RGS22: variants seen among roughly 807,000 people sequenced by gnomAD.
The protein encoded by RGS22 is regulator of G protein signaling 22, also known as regulator of G-protein signaling 22.
A neutral mutation model predicts 172.9 loss-of-function variants in RGS22; 148 were observed. The ratio of observed to expected loss-of-function variants is 0.86; its 90% CI spans 0.75 to 0.98. The LOEUF is 0.98. Among genes scored for constraint, RGS22 ranks in the 50% least tolerant of loss-of-function variants. RGS22 has a pLI of 0.00. For synonymous variants in RGS22, 458 were observed against 480.2 expected (o/e 0.95, Z 0.60); for missense variants, 1,347 against 1,440.8 (o/e 0.93, Z 1.05).
chr8:99,971,248 T>C (rs1016706811), intron 23 of RGS22, among the ~76,000 whole-genome samples: 1 of 152,172 alleles, frequency 6.6e-6, no homozygotes, highest in African/African-American at 2.4e-5. Context: ...GGTCAATTTA[T>C]GAAAAACCCA....
At chr8:100,076,759 G>A (rs982454828) in intron 4 of RGS22, among the ~76,000 whole-genome samples, 5 of 152,162 alleles carry the variant, frequency 3.3e-5, no homozygotes, top group South Asian at 4.1e-4. Flanking sequence ...TTGGGAGGCC[G>A]AGGCAGGCGG....
intron 10 of RGS22, among the ~76,000 whole-genome samples, chr8:100,051,840 T>TATATTTATATATTTATATATAA (rs1821556320): frequency 1.7e-5 from 1 of 57,442 alleles, no homozygotes; most frequent in Non-Finnish European, 2.7e-5. Context: ...TAAATGTTTA[T>TATATTTATATATTTATATATAA]ATATTTATAT....
intron 2 of RGS22, among the ~76,000 whole-genome samples, chr8:100,097,797 G>A (rs1035490833): frequency 5.3e-5 from 8 of 152,130 alleles, no homozygotes; most frequent in African/African-American, 1.4e-4. Flanking sequence ...TCCATCATAT[G>A]CCAAACCTCA....
At chr8:99,964,313 G>C (rs200724926) in intron 24 of RGS22, among the ~76,000 whole-genome samples, 2 of 152,070 alleles carry the variant, frequency 1.3e-5, no homozygotes, top group East Asian at 3.9e-4. Context: ...AATTAGCCAG[G>C]CATGGTGGTG....
Position 99,981,851 on chromosome 8 carries a change from C to T in RGS22, c.3360+86G>A, listed in dbSNP as rs2131207709. 3.1e-6 allele frequency: 4 copies of T among 1,286,576 alleles called. No individual in the cohort carries two copies. The Admixed American group carries it at 7.4e-5, about 24-fold the overall frequency. 79.7% of individuals were successfully genotyped at this position (1,286,576 alleles called of 1,614,324 possible). Reference sequence around the variant, plus strand: ...TGCTGGGATTACAGGCGTGAGCCACCACGCCTGGCCCAAAAGGATATCTAT... The same window carrying T: ...TGCTGGGATTACAGGCGTGAGCCACTACGCCTGGCCCAAAAGGATATCTAT... On this transcript the variant is annotated intron_variant, in intron 22 of 27. Coordinates refer to ENST00000360863, the MANE Select transcript of RGS22 (RefSeq NM_015668.5).
intron 15 of RGS22, 87 bp from the exon 16 acceptor site, chr8:100,006,196 T>C (rs1815691584): frequency 2.0e-6 from 2 of 1,003,470 alleles, no homozygotes; most frequent in Admixed American, 5.0e-5. Flanking sequence ...CAGTTGCCAA[T>C]AAAGGAAATT....
intron 4 of RGS22, 103 bp downstream of exon 4, chr8:100,080,031 A>T: frequency 1.3e-6 from 1 of 799,292 alleles, no homozygotes; most frequent in South Asian, 1.7e-5. Flanking sequence ...AACACAAGCT[A>T]ATAAATGTAG....
At chr8:99,992,157 A>G (rs1813812956) in intron 20 of RGS22, among the ~76,000 whole-genome samples, 1 of 152,240 alleles carries the variant, frequency 6.6e-6, no homozygotes, top group East Asian at 1.9e-4. Context: ...AGCCAGCACA[A>G]AAACATGCCA....
chr8:100,015,654 C>T (rs1453445324), intron 14 of RGS22, among the ~76,000 whole-genome samples: 3 of 152,134 alleles, frequency 2.0e-5, no homozygotes, highest in African/African-American at 7.2e-5. Context: ...CTGCACTCCC[C>T]TTTTTTATTC....
chr8:99,971,172 C>A (rs992983139), intron 23 of RGS22, among the ~76,000 whole-genome samples: 2 of 152,164 alleles, frequency 1.3e-5, no homozygotes, highest in African/African-American at 4.8e-5. Context: ...TGATAAAATT[C>A]AACACCTCTT....
intron 8 of RGS22, 39 bp downstream of exon 8, chr8:100,063,377 T>C: frequency 7.1e-7 from 1 of 1,406,168 alleles, no homozygotes; most frequent in Admixed American, 2.4e-5. Flanking sequence ...ATTCATAATT[T>C]GTTTTTAAAA....
chr8:100,051,395 T>TTA (rs568611211), intron 10 of RGS22, among the ~76,000 whole-genome samples: 81 of 126,346 alleles, frequency 6.4e-4, no homozygotes, highest in Non-Finnish European at 1.2e-3. Flanking sequence ...ATATATATTT[T>TTA]TATATATATA....
chr8:100,043,525 C>G (rs912921351), intron 11 of RGS22, among the ~76,000 whole-genome samples: 1 of 151,950 alleles, frequency 6.6e-6, no homozygotes, highest in African/African-American at 2.4e-5. Flanking sequence ...GCCTATAATC[C>G]CAGCACTTGG....
At chr8:99,994,864 T>C (rs989695115) in intron 20 of RGS22, among the ~76,000 whole-genome samples, 6 of 152,146 alleles carry the variant, frequency 3.9e-5, no homozygotes, top group Admixed American at 2.0e-4. Flanking sequence ...GACTTCAAAC[T>C]ACATTGCAAG....
At chr8:100,105,236 C>CAGTTATTACAATTATTACAATTGTTATT in intron 2 of RGS22, 138 bp downstream of exon 2, 1 of 677,960 alleles carries the variant, frequency 1.5e-6, no homozygotes, top group Non-Finnish European at 2.6e-6. Context: ...AGATCTTGTA[C>CAGTTATTACAATTATTACAATTGTTATT]ACAGTTATTA....
At chr8:99,966,896 T>C (rs1192991172) in intron 23 of RGS22, among the ~76,000 whole-genome samples, 1 of 152,210 alleles carries the variant, frequency 6.6e-6, no homozygotes, top group Non-Finnish European at 1.5e-5. Context: ...ATTCTTTCTG[T>C]TTCTATGAAT....
chr8:99,985,406 G>A lies in RGS22; in HGVS notation c.3180+2052C>T, dbSNP rs1812979216. ...CCTTCCAACTGGCAAACTCCCTCATGGCCCAATGCAAGTGTCATCACTCTT... is the reference window on the plus strand; with the variant it reads ...CCTTCCAACTGGCAAACTCCCTCATAGCCCAATGCAAGTGTCATCACTCTT... On this transcript the variant is annotated intron_variant, in intron 21 of 27. Coordinates refer to ENST00000360863, the MANE Select transcript of RGS22 (RefSeq NM_015668.5). Among the ~76,000 whole-genome samples, 8 of 152,236 alleles carry A rather than the reference G, an allele frequency of 5.3e-5. 1 individual carries two copies. In the South Asian group the frequency reaches 1.7e-3, roughly 32 times the overall value.
chr8:100,026,847 A>G (rs1818232734), intron 14 of RGS22, among the ~76,000 whole-genome samples: 2 of 152,260 alleles, frequency 1.3e-5, no homozygotes, highest in Non-Finnish European at 2.9e-5. Flanking sequence ...CAGGTATTTG[A>G]AAAGAAGCCG....
intron 2 of RGS22, among the ~76,000 whole-genome samples, chr8:100,095,540 T>TA (rs546747951): frequency 6.6e-6 from 1 of 152,306 alleles, no homozygotes; most frequent in East Asian, 1.9e-4. Context: ...TTTGAAAGAA[T>TA]AATTAGAAAA....
Sources: allele counts gnomAD v4.1 joint callset (sites outside exome capture counted in the v4.1 genomes callset), GRCh38; gene constraint gnomAD v4.1.1; transcripts MANE v1.5; gene names NCBI Gene and HGNC (gene_info 2026-07-23, HGNC 2026-07-21).